The following PTCHD4 variants were observed in gnomAD, a reference collection of about 807,000 sequenced individuals.
PTCHD4 encodes patched domain containing 4.
A neutral mutation model predicts 58.1 loss-of-function variants in PTCHD4; 33 were observed. That is an observed-to-expected ratio of 0.57 (90% CI 0.43 to 0.76). PTCHD4 has a LOEUF of 0.76. Ranked by LOEUF, PTCHD4 falls within the 30% of genes least tolerant of loss-of-function variation. The pLI is 0.00. For missense variants in PTCHD4, 1,058 were observed against 1,027.1 expected, an observed-to-expected ratio of 1.03 and a Z score of -0.41; for synonymous variants, 478 against 409.6, an observed-to-expected ratio of 1.17 and a Z score of -2.02.
intron 1 of PTCHD4, among the ~76,000 whole-genome samples, chr6:48,084,956 C>T (rs913055736): frequency 8.6e-5 from 13 of 151,738 alleles, no homozygotes; most frequent in Admixed American, 6.6e-4. Flanking sequence ...GTTGCCCAGG[C>T]TGGTCACAAA....
rs1304068044 is a variant in PTCHD4 at position 47,865,012 on chromosome 6, T to C, written c.*13291A>G. Among the ~76,000 whole-genome samples, 2 of 151,940 alleles carry C rather than the reference T, an allele frequency of 1.3e-5. No homozygotes were observed. Among genetic ancestry groups the C allele is most frequent in the Non-Finnish European group, 2.9e-5 (2 of 67,908 alleles). ...TCTCTGATTGTGGGAGGAACAGTGA[T>C]CTTGTTTCTAAGCATAAATCACCTG... is the stretch of plus-strand genomic sequence containing the variant. On this transcript the variant is annotated 3_prime_UTR_variant, in exon 5 of 5. Transcript: ENST00000339488.
In PTCHD4 at chr6:48,008,916, G is replaced by A; in HGVS notation, c.616C>T (p.His206Tyr). 6.2e-7 allele frequency: 1 copy of A among 1,613,964 alleles called. No individual in the cohort carries two copies. Among genetic ancestry groups the A allele is most frequent in the Non-Finnish European group, 8.5e-7 (1 of 1,179,880 alleles). The change falls in exon 4 of 5, where the codon CAT becomes TAT. Residue 206 changes from histidine (H) to tyrosine (Y), a missense_variant. Transcript: ENST00000339488. ...AAAGAGTAGAGCTGGAGTTCTTGAT[G>A]CTCCTCCTGGAGCTTCCTTATAAGC... Reference protein sequence around the residue: ...CKLIRKLQEEHQELQLYSLAS... With the variant: ...CKLIRKLQEEYQELQLYSLAS...
At chr6:47,935,818 A>T (rs77139982) in intron 4 of PTCHD4, among the ~76,000 whole-genome samples, 1 of 152,230 alleles carries the variant, frequency 6.6e-6, no homozygotes, top group Non-Finnish European at 1.5e-5. Context: ...ATACGTTTAT[A>T]CAAAGCATAT....
intron 4 of PTCHD4, chr6:47,890,965 TG>T (rs1416312489): frequency 1.2e-6 from 1 of 833,170 alleles, no homozygotes; most frequent in Admixed American, 6.3e-5. Flanking sequence ...CCCAGCACTT[TG>T]GGGGGCTGAG....
chr6:48,014,324 C>T (rs961128327), intron 3 of PTCHD4, among the ~76,000 whole-genome samples: 1 of 152,028 alleles, frequency 6.6e-6, no homozygotes, highest in East Asian at 1.9e-4. Context: ...AGAGTTTATT[C>T]GCTTCCAAAC....
At chr6:48,016,582 C>A (rs1196248859) in intron 3 of PTCHD4, among the ~76,000 whole-genome samples, 1 of 151,802 alleles carries the variant, frequency 6.6e-6, no homozygotes, top group African/African-American at 2.4e-5. Context: ...TATCTCACGG[C>A]CATAAATCAT....
chr6:48,047,334 A>G (rs1764071319), intron 3 of PTCHD4, among the ~76,000 whole-genome samples: 1 of 151,714 alleles, frequency 6.6e-6, no homozygotes, highest in African/African-American at 2.4e-5. Flanking sequence ...GATAACCACA[A>G]TGGTTGCACA....
chr6:48,008,290 A>G (rs545488399), intron 4 of PTCHD4, among the ~76,000 whole-genome samples: 1 of 152,344 alleles, frequency 6.6e-6, no homozygotes, highest in East Asian at 1.9e-4. Context: ...GGCCATGAAT[A>G]TGGACCACAA....
At position 47,872,266 on chromosome 6, in the gene PTCHD4, G is replaced by C. The variant is rs545517665; in HGVS notation, c.*6037C>G. ...TAAACACCAGTAATCTTTCGTCCAT[G>C]AGAGTGTTTCCTAGTTATTCCTAGG... On this transcript the variant is annotated 3_prime_UTR_variant, in exon 5 of 5. Transcript: ENST00000339488. 1.3e-5 allele frequency among the ~76,000 whole-genome samples: 2 copies of C among 151,762 alleles called. No homozygotes were observed. Among genetic ancestry groups the C allele is most frequent in the African/African-American group, 4.8e-5 (2 of 41,500 alleles).
chr6:48,020,501 G>A (rs1324466467), intron 3 of PTCHD4, among the ~76,000 whole-genome samples: 2 of 151,736 alleles, frequency 1.3e-5, no homozygotes, highest in Non-Finnish European at 2.9e-5. Flanking sequence ...TGCGGTTTTT[G>A]CTACTTTCGT....
At chr6:47,980,397 G>C (rs1323376223) in intron 4 of PTCHD4, among the ~76,000 whole-genome samples, 1 of 151,952 alleles carries the variant, frequency 6.6e-6, no homozygotes, top group Non-Finnish European at 1.5e-5. Context: ...TCTCTGTGTT[G>C]TTAATCTAAA....
chr6:48,069,427 C>A lies in PTCHD4; in HGVS notation c.-470G>T, dbSNP rs926906260. ...CGCCCCTCCAGTTTCCCTGTGCCCT[C>A]GAATTCTGCTTTTCAGCGAAGAAAA... is the stretch of plus-strand genomic sequence containing the variant. On this transcript the variant is annotated 5_prime_UTR_variant, in exon 2 of 5. Transcript: ENST00000339488. Among the ~76,000 whole-genome samples, 18 of 152,088 alleles carry A rather than the reference C, an allele frequency of 1.2e-4. No individual in the cohort carries two copies. The highest frequency in any genetic ancestry group is 3.9e-4 in the African/African-American group (16 of 41,418).
chr6:48,066,766 C>A (rs1764811439), intron 3 of PTCHD4, among the ~76,000 whole-genome samples: 2 of 151,518 alleles, frequency 1.3e-5, no homozygotes, highest in African/African-American at 4.9e-5. Context: ...CCCTTGTCAG[C>A]CTCTGGATTC....
At chr6:48,071,069 T>G (rs1764966760) in intron 1 of PTCHD4, among the ~76,000 whole-genome samples, 1 of 152,228 alleles carries the variant, frequency 6.6e-6, no homozygotes, top group South Asian at 2.1e-4. Flanking sequence ...AAGGCCACCC[T>G]CAGAGTTCTC....
intron 4 of PTCHD4, among the ~76,000 whole-genome samples, chr6:47,912,708 A>G (rs1217236414): frequency 1.3e-5 from 2 of 152,166 alleles, no homozygotes; most frequent in African/African-American, 2.4e-5. Context: ...AGATAATTTG[A>G]GGTAAAATAA....
At chr6:47,889,681 T>C (rs1035210745) in intron 4 of PTCHD4, among the ~76,000 whole-genome samples, 3 of 151,366 alleles carry the variant, frequency 2.0e-5, no homozygotes, top group African/African-American at 7.3e-5. Flanking sequence ...ATCCCTTCCT[T>C]ACACCTTATA....
intron 4 of PTCHD4, among the ~76,000 whole-genome samples, chr6:47,996,781 A>G (rs1581991642): frequency 6.6e-6 from 1 of 152,188 alleles, no homozygotes; most frequent in Non-Finnish European, 1.5e-5. Flanking sequence ...CTAAACTTAC[A>G]CTTGAAACAC....
At chr6:48,008,599 G>A (rs540903024) in intron 4 of PTCHD4, 35 bp downstream of exon 4, 131 of 1,594,242 alleles carry the variant, frequency 8.2e-5, no homozygotes. Flanking sequence ...CCCCAAACCG[G>A]TAAGAATCCG....
intron 4 of PTCHD4, among the ~76,000 whole-genome samples, chr6:47,908,193 T>C (rs1174421721): frequency 1.3e-5 from 2 of 152,118 alleles, no homozygotes; most frequent in Non-Finnish European, 2.9e-5. Context: ...ACCTCCATGA[T>C]GAGTCTAAAG....
Sources: gnomAD v4.1 joint callset for allele counts (sites outside exome capture counted in the v4.1 genomes callset) on GRCh38, gnomAD v4.1.1 for gene constraint, MANE v1.5 for transcripts, NCBI Gene and HGNC (gene_info 2026-07-23, HGNC 2026-07-21) for gene names.